Variants in DIAPH2 observed in about 807,000 individuals in gnomAD.
DIAPH2 encodes protein diaphanous homolog 2.
Under a neutral mutation model 92.7 loss-of-function variants are expected in DIAPH2, and 35 were observed. The observed-to-expected ratio is 0.38, with a 90% CI of 0.29 to 0.50. DIAPH2 has a LOEUF of 0.50. Ranked by LOEUF, DIAPH2 falls within the 20% of genes least tolerant of loss-of-function variation. The pLI, the probability that DIAPH2 is intolerant of heterozygous loss-of-function variation, is 0.94. For synonymous variants in DIAPH2, 301 were observed against 280.4 expected (o/e 1.07, Z -0.73); for missense variants, 701 against 819.5 (o/e 0.86, Z 1.77).
chrX:97,119,043 T>C (rs1180790701), intron 21 of DIAPH2, among the ~76,000 whole-genome samples: 1 of 111,521 alleles, frequency 9.0e-6, no homozygotes, highest in East Asian at 2.8e-4. Flanking sequence ...TCCTGAATTC[T>C]TTTTCAGGTA....
At chrX:96,861,873 A>G (rs2065074418) in intron 4 of DIAPH2, among the ~76,000 whole-genome samples, 1 of 111,009 alleles carries the variant, frequency 9.0e-6, no homozygotes, top group African/African-American at 3.3e-5. Flanking sequence ...CATTTCCATG[A>G]CTCTGTTTCA....
At chrX:96,889,413 C>G (rs929200420) in intron 5 of DIAPH2, among the ~76,000 whole-genome samples, 1 of 111,704 alleles carries the variant, frequency 9.0e-6, no homozygotes, top group Non-Finnish European at 1.9e-5. Flanking sequence ...CTAACACCAT[C>G]TCTATGATAT....
intron 23 of DIAPH2, among the ~76,000 whole-genome samples, chrX:97,259,951 CT>C (rs1211392807): frequency 8.9e-6 from 1 of 111,900 alleles, no homozygotes; most frequent in African/African-American, 3.3e-5. Context: ...CTGCCTCAGC[CT>C]CCCAGATAGC....
At chrX:97,388,487 G>A (rs1346830470) in intron 25 of DIAPH2, among the ~76,000 whole-genome samples, 2 of 111,381 alleles carry the variant, frequency 1.8e-5, no homozygotes, top group Non-Finnish European at 3.8e-5. Context: ...ATGTAGCTGG[G>A]AATATAGGTG....
intron 23 of DIAPH2, among the ~76,000 whole-genome samples, chrX:97,329,188 G>C (rs747130752): frequency 8.9e-6 from 1 of 112,376 alleles, no homozygotes; most frequent in Non-Finnish European, 1.9e-5. Context: ...GCCATCTGCT[G>C]TTCAGTTAAT....
intron 1 of DIAPH2, among the ~76,000 whole-genome samples, chrX:96,733,275 G>C (rs1405135416): frequency 8.9e-6 from 1 of 112,035 alleles, no homozygotes; most frequent in Non-Finnish European, 1.9e-5. Flanking sequence ...AATATGTGGA[G>C]GGAGGCAGAT....
chrX:97,399,459 T>C (rs193288680), intron 25 of DIAPH2, among the ~76,000 whole-genome samples: 41 of 112,387 alleles, frequency 3.6e-4, no homozygotes, highest in Non-Finnish European at 3.2e-4. Flanking sequence ...AATTTCTTAT[T>C]TGCATGTAAT....
At chrX:97,365,919 C>T (rs778909366) in intron 24 of DIAPH2, among the ~76,000 whole-genome samples, 2 of 110,491 alleles carry the variant, frequency 1.8e-5, no homozygotes, top group African/African-American at 6.6e-5. Context: ...AGGCTGGTCT[C>T]GAACTCCTGG....
chrX:97,056,633 T>C (rs1486218698), intron 17 of DIAPH2, among the ~76,000 whole-genome samples: 1 of 111,890 alleles, frequency 8.9e-6, no homozygotes, highest in Non-Finnish European at 1.9e-5. Flanking sequence ...AGTAATGTAA[T>C]TTTCTATGTC....
chrX:97,198,306 A>ATG (rs1448125518), intron 22 of DIAPH2, among the ~76,000 whole-genome samples: 2 of 106,071 alleles, frequency 1.9e-5, no homozygotes, highest in Non-Finnish European at 3.9e-5. Flanking sequence ...ACACACACAT[A>ATG]TGTGTATATA....
At chrX:97,410,545 C>T in intron 25 of DIAPH2, among the ~76,000 whole-genome samples, 1 of 112,104 alleles carries the variant, frequency 8.9e-6, no homozygotes, top group Middle Eastern at 4.6e-3. Context: ...CGAAACAAAG[C>T]TGGACAGAGA....
chrX:97,265,564 T>C (rs2068329546), intron 23 of DIAPH2, among the ~76,000 whole-genome samples: 1 of 111,958 alleles, frequency 8.9e-6, no homozygotes, highest in East Asian at 2.8e-4. Context: ...AGCTGAGGCC[T>C]GAAATATAGA....
At position 97,131,727 on chromosome X, in the gene DIAPH2, A is replaced by G. The variant is rs755633938; in HGVS notation, c.2590-9938A>G. On this transcript the variant is annotated intron_variant, in intron 21 of 26. Coordinates refer to ENST00000324765, the MANE Select transcript of DIAPH2 (RefSeq NM_006729.5). ...GTAAACTATTTCTATACCAATTTAA[A>G]TAATTTGATTTTTATTAAAACTATT... 8.0e-5 allele frequency among the ~76,000 whole-genome samples: 9 copies of G among 112,902 alleles called. No individual in the cohort carries two copies. In the South Asian group the frequency reaches 3.3e-3, roughly 41 times the overall value.
At chrX:97,412,861 T>G (rs2069892718) in intron 25 of DIAPH2, among the ~76,000 whole-genome samples, 1 of 111,815 alleles carries the variant, frequency 8.9e-6, no homozygotes, top group Admixed American at 9.5e-5. Flanking sequence ...CAGGAAGAAG[T>G]TGAATCTCTG....
At chrX:97,334,711 G>A (rs1465499749) in intron 23 of DIAPH2, among the ~76,000 whole-genome samples, 2 of 106,617 alleles carry the variant, frequency 1.9e-5, no homozygotes, top group South Asian at 4.2e-4. Flanking sequence ...GAGCAGGCAC[G>A]GTGGCTCACG....
At chrX:96,852,178 C>A (rs1190652704) in intron 4 of DIAPH2, among the ~76,000 whole-genome samples, 3 of 111,996 alleles carry the variant, frequency 2.7e-5, no homozygotes, top group Admixed American at 9.5e-5. Context: ...CATCAGATTT[C>A]TCTTTTGATT....
At chrX:97,119,739 G>A (rs1394731845) in intron 21 of DIAPH2, among the ~76,000 whole-genome samples, 1 of 111,466 alleles carries the variant, frequency 9.0e-6, no homozygotes, top group African/African-American at 3.3e-5. Context: ...GCTGCTGAGC[G>A]TGAGATTCCC....
intron 17 of DIAPH2, among the ~76,000 whole-genome samples, chrX:97,053,776 TAC>T (rs1369308782): frequency 8.9e-6 from 1 of 111,873 alleles, no homozygotes; most frequent in Admixed American, 9.5e-5. Flanking sequence ...CAATACAGTC[TAC>T]ACAGATCATT....
At chrX:96,923,388 C>T (rs1443232803) in intron 9 of DIAPH2, among the ~76,000 whole-genome samples, 2 of 111,582 alleles carry the variant, frequency 1.8e-5, no homozygotes, top group African/African-American at 3.3e-5. Flanking sequence ...ACCCAGTCCT[C>T]GCCTATTTAA....
Sources: allele counts gnomAD v4.1 joint callset (sites outside exome capture counted in the v4.1 genomes callset), GRCh38; gene constraint gnomAD v4.1.1; transcripts MANE v1.5; gene names NCBI Gene and HGNC (gene_info 2026-07-23, HGNC 2026-07-21).